PLSCR2: variants seen among roughly 807,000 people sequenced by gnomAD.
PLSCR2 encodes phospholipid scramblase 2.
In PLSCR2, 18 loss-of-function variants were observed where a neutral mutation model predicts 25.3. That is an observed-to-expected ratio of 0.71 (90% CI 0.49 to 1.06). The LOEUF is 1.06. Ranked by LOEUF, PLSCR2 falls within the 50% of genes least tolerant of loss-of-function variation. The probability of loss-of-function intolerance (pLI) is 0.00; values close to 1 mark genes in which losing one functional copy is unlikely to be tolerated. For synonymous variants in PLSCR2, 88 were observed against 87.3 expected, an observed-to-expected ratio of 1.01 and a Z score of -0.04; for missense variants, 243 against 269.5, an observed-to-expected ratio of 0.90 and a Z score of 0.69.
chr3:146,392,563 C>A (rs945962504), intron 3 of PLSCR2, among the ~76,000 whole-genome samples: 2 of 151,762 alleles, frequency 1.3e-5, no homozygotes, highest in African/African-American at 2.4e-5. Flanking sequence ...TTTTTATTAA[C>A]ATAAGAACAT....
intron 1 of PLSCR2, among the ~76,000 whole-genome samples, chr3:146,481,313 T>C (rs188059175): frequency 1.3e-5 from 2 of 152,226 alleles, no homozygotes; most frequent in Non-Finnish European, 2.9e-5. Flanking sequence ...GCAGATGACA[T>C]GATTGTATAT....
chr3:146,490,788 G>T (rs1452408298), intron 1 of PLSCR2, among the ~76,000 whole-genome samples: 10 of 152,060 alleles, frequency 6.6e-5, no homozygotes, highest in Non-Finnish European at 1.2e-4. Flanking sequence ...GTTGGGTCTT[G>T]CTTCTTTATT....
chr3:146,426,203 TTCCTTCCCTCCC>T (rs368334941), intron 2 of PLSCR2, among the ~76,000 whole-genome samples: 185 of 127,520 alleles, frequency 1.5e-3, no homozygotes, highest in South Asian at 2.4e-3. Context: ...CCTTCCCTCC[TTCCTTCCCTCCC>T]TCCTTCCCTC....
intron 8 of PLSCR2, among the ~76,000 whole-genome samples, chr3:146,436,620 A>C (rs962429611): frequency 2.6e-5 from 4 of 152,094 alleles, no homozygotes; most frequent in African/African-American, 9.7e-5. Context: ...TTGCACATTG[A>C]TTTTGTATCC....
chr3:146,411,769 T>C (rs2038860766), intron 2 of PLSCR2, among the ~76,000 whole-genome samples: 1 of 152,176 alleles, frequency 6.6e-6, no homozygotes, highest in South Asian at 2.1e-4. Flanking sequence ...GGGGTCTAGT[T>C]AAAACAATTT....
At chr3:146,465,978 C>T (rs1380434633) in intron 1 of PLSCR2, among the ~76,000 whole-genome samples, 1 of 152,138 alleles carries the variant, frequency 6.6e-6, no homozygotes, top group Non-Finnish European at 1.5e-5. Flanking sequence ...AGATGGTGAG[C>T]CTTTGAGTAC....
chr3:146,462,003 T>G (rs2041605838), upstream of PLSCR2: 1 of 867,892 alleles, frequency 1.2e-6, no homozygotes. Flanking sequence ...CATTTAGTAT[T>G]ATAGGGAGGA....
At chr3:146,471,255 AC>A (rs1159481040) in intron 1 of PLSCR2, among the ~76,000 whole-genome samples, 14 of 152,182 alleles carry the variant, frequency 9.2e-5, no homozygotes, top group African/African-American at 1.7e-4. Flanking sequence ...AATAAAAAAA[AC>A]ATTTTATTCT....
At position 146,455,236 on chromosome 3, in the gene PLSCR2, T is replaced by C; in HGVS notation, c.321+3A>G. 6.2e-7 allele frequency: 1 copy of C among 1,600,842 alleles called. No homozygotes were observed. The highest frequency in any genetic ancestry group is 8.6e-7 in the Non-Finnish European group (1 of 1,167,940). ...TGAAAAGCTCTAGTAATTGCTCACA[T>C]ACCTCCTGAAGGCAGCAGGGGCAAC... On this transcript the variant is annotated splice_donor_region_variant and intron_variant, in intron 4 of 6. Coordinates refer to ENST00000610787, the Ensembl canonical transcript of PLSCR2.
At chr3:146,410,320 G>T (rs534213680) in intron 2 of PLSCR2, among the ~76,000 whole-genome samples, 52 of 152,088 alleles carry the variant, frequency 3.4e-4, no homozygotes, top group Non-Finnish European at 5.6e-4. Context: ...TCTATTTAAG[G>T]GCACAGGAAA....
At chr3:146,448,769 T>C (rs1008047487) in intron 6 of PLSCR2, among the ~76,000 whole-genome samples, 1 of 152,186 alleles carries the variant, frequency 6.6e-6, no homozygotes. Flanking sequence ...TGTAAATTGA[T>C]AGTTAGCTCT....
intron 6 of PLSCR2, among the ~76,000 whole-genome samples, chr3:146,448,572 T>C (rs1040073818): frequency 2.0e-5 from 3 of 152,242 alleles, no homozygotes; most frequent in Admixed American, 6.5e-5. Context: ...ACCATTTCTC[T>C]GTTTCCATAA....
exon 1 of PLSCR2, chr3:146,495,922 T>C (rs1264313732): frequency 6.5e-7 from 1 of 1,535,662 alleles, no homozygotes. Context: ...AAAGGCTTCA[T>C]TCTCCATTCG....
At position 146,426,018 on chromosome 3, in the gene PLSCR2, G is replaced by A. The variant is rs191831880; in HGVS notation, c.101-30097C>T. On this transcript the variant is annotated intron_variant and NMD_transcript_variant, in intron 2 of 3. Transcript: ENST00000463633. ...ACCACTGATTATAGAAACCATTTATGATTTCTTGCTAGAATGAAATTGTTG... is the reference window on the plus strand; with the variant it reads ...ACCACTGATTATAGAAACCATTTATAATTTCTTGCTAGAATGAAATTGTTG... 1.7e-4 allele frequency among the ~76,000 whole-genome samples: 26 copies of A among 152,258 alleles called. No homozygotes were observed. The East Asian group carries it at 5.0e-3, about 29-fold the overall frequency.
At chr3:146,495,286 A>G (rs555721716) in intron 1 of PLSCR2, among the ~76,000 whole-genome samples, 29 of 152,320 alleles carry the variant, frequency 1.9e-4, no homozygotes, top group African/African-American at 7.0e-4. Flanking sequence ...GTGGAAGCTC[A>G]GAGATTTGTC....
chr3:146,430,208 T>C (rs957536190), downstream of PLSCR2, among the ~76,000 whole-genome samples: 1 of 152,190 alleles, frequency 6.6e-6, no homozygotes, highest in East Asian at 1.9e-4. Flanking sequence ...AGAAACCTTT[T>C]TTTCTTTATA....
chr3:146,481,791 A>G (rs1404728551), intron 1 of PLSCR2, among the ~76,000 whole-genome samples: 1 of 152,234 alleles, frequency 6.6e-6, no homozygotes, highest in African/African-American at 2.4e-5. Flanking sequence ...AAGCAAAAAG[A>G]ACAAAGCTGG....
intron 6 of PLSCR2, among the ~76,000 whole-genome samples, chr3:146,446,551 G>A (rs1206458074): frequency 6.6e-6 from 1 of 152,046 alleles, no homozygotes; most frequent in East Asian, 1.9e-4. Flanking sequence ...CTGGGGGAAG[G>A]GTGACACAAA....
At chr3:146,458,788 A>G (rs1247438316) in intron 2 of PLSCR2, among the ~76,000 whole-genome samples, 1 of 152,048 alleles carries the variant, frequency 6.6e-6, no homozygotes, top group African/African-American at 2.4e-5. Context: ...ATAAGCTTTT[A>G]CTGTAAGTCT....
Sources: allele counts gnomAD v4.1 joint callset (sites outside exome capture counted in the v4.1 genomes callset), GRCh38; gene constraint gnomAD v4.1.1; transcripts MANE v1.5; gene names NCBI Gene and HGNC (gene_info 2026-07-23, HGNC 2026-07-21).